PAPOLA: variants seen among roughly 807,000 people sequenced by gnomAD.
PAPOLA encodes poly(A) polymerase alpha.
In PAPOLA, 15 loss-of-function variants were observed where a neutral mutation model predicts 100.6. That is an observed-to-expected ratio of 0.15 (90% CI 0.10 to 0.23). The LOEUF is 0.23. PAPOLA is among the 10% of genes least tolerant of loss of function. The pLI, the probability that PAPOLA is intolerant of heterozygous loss-of-function variation, is 1.00. For synonymous variants in PAPOLA, 293 were observed against 300.0 expected (o/e 0.98, Z 0.24); for missense variants, 533 against 884.2 (o/e 0.60, Z 5.04).
intron 1 of PAPOLA, among the ~76,000 whole-genome samples, chr14:96,512,447 G>A (rs970954154): frequency 6.6e-6 from 1 of 152,148 alleles, no homozygotes; most frequent in Non-Finnish European, 1.5e-5. Context: ...CCTCAGTATA[G>A]AGATGATTAT....
chr14:96,524,244 T>C (rs1017276078), intron 3 of PAPOLA, among the ~76,000 whole-genome samples: 7 of 152,172 alleles, frequency 4.6e-5, no homozygotes, highest in Admixed American at 4.6e-4. Flanking sequence ...TTGTCATTCT[T>C]ACGAGCAGGG....
In PAPOLA at chr14:96,534,229, A is replaced by G; in HGVS notation, c.837-262A>G. ...TCTTGGGATGGTACTTCTTTATTTA[A>G]ATAGTCCTTTAAAGTTCTTTGAGTG... On this transcript the variant is annotated intron_variant, in intron 9 of 21. Coordinates refer to ENST00000216277, the MANE Select transcript of PAPOLA (RefSeq NM_032632.5). 4 of 1,277,060 alleles carry G rather than the reference A, an allele frequency of 3.1e-6. No homozygotes were observed. In the African/African-American group the frequency reaches 4.5e-5, roughly 14 times the overall value. The allele number at this position is 1,277,060 out of a possible 1,614,324, so 79.1% of individuals were successfully genotyped here. A position where few individuals can be genotyped will look rare whatever the true frequency, so the allele number is the denominator to read the frequency against.
chr14:96,528,208 G>A (rs1225209199), intron 6 of PAPOLA, among the ~76,000 whole-genome samples: 1 of 152,120 alleles, frequency 6.6e-6, no homozygotes, highest in African/African-American at 2.4e-5. Flanking sequence ...AGTGAAATTT[G>A]GAGCTAAAAC....
At position 96,523,400 on chromosome 14, in the gene PAPOLA, A is replaced by G. The variant is rs540544121; in HGVS notation, c.250-1910A>G. Among the ~76,000 whole-genome samples, 35 of 152,364 alleles carry G rather than the reference A, an allele frequency of 2.3e-4. No homozygotes were observed. The South Asian group carries it at 7.0e-3, about 31-fold the overall frequency. On this transcript the variant is annotated intron_variant, in intron 3 of 21. Coordinates refer to ENST00000216277, the MANE Select transcript of PAPOLA (RefSeq NM_032632.5). ...CTAGCAACATTTCAGGTGCTCAACA[A>G]AAGTGATAACAGTGACAGAATATTT...
intron 15 of PAPOLA, among the ~76,000 whole-genome samples, chr14:96,544,465 C>T (rs1309275471): frequency 6.6e-6 from 1 of 151,970 alleles, no homozygotes; most frequent in Non-Finnish European, 1.5e-5. Flanking sequence ...AGGATTTTTT[C>T]AGATTTTGGA....
chr14:96,530,678 C>A (rs960699764), intron 6 of PAPOLA, among the ~76,000 whole-genome samples: 2 of 151,986 alleles, frequency 1.3e-5, no homozygotes, highest in Non-Finnish European at 2.9e-5. Context: ...GAGCCACTAC[C>A]CCCAGCCTAT....
At position 96,507,280 on chromosome 14, in the gene PAPOLA, GTTTTT is replaced by G. The variant is rs71103533; in HGVS notation, c.8+4701_8+4705del. ...ACTAAATTTTTTGTTTTGGAAAATA[GTTTTT>G]TTTTTTTTTTTTTTTTTTTTGAGAC... On this transcript the variant is annotated intron_variant, in intron 1 of 21. Transcript: ENST00000216277. Among the ~76,000 whole-genome samples, 644 of 80,792 alleles carry G rather than the reference GTTTTT, an allele frequency of 8.0e-3. 11 individuals are homozygous for G. Among genetic ancestry groups the G allele is most frequent in the African/African-American group, 0.035 (619 of 17,694 alleles). The allele number at this position is 80,792 out of a possible 152,430, so 53.0% of individuals were successfully genotyped here. A position where few individuals can be genotyped will look rare whatever the true frequency, so the allele number is the denominator to read the frequency against.
intron 3 of PAPOLA, among the ~76,000 whole-genome samples, chr14:96,524,019 A>C (rs1322905741): frequency 6.6e-6 from 1 of 152,120 alleles, no homozygotes; most frequent in Non-Finnish European, 1.5e-5. Flanking sequence ...TGCTCTTAAA[A>C]AACAGGAGTC....
chr14:96,508,536 G>A (rs1170476522), intron 1 of PAPOLA, among the ~76,000 whole-genome samples: 6 of 152,182 alleles, frequency 3.9e-5, no homozygotes, highest in Non-Finnish European at 8.8e-5. Flanking sequence ...CCTTCTTAAG[G>A]CAGAAGCCAG....
intron 6 of PAPOLA, among the ~76,000 whole-genome samples, chr14:96,529,450 C>T (rs545153956): frequency 4.4e-4 from 67 of 151,430 alleles, no homozygotes; most frequent in Non-Finnish European, 9.0e-4. Context: ...TAGCCAGGCA[C>T]GGTGGCTCAT....
chr14:96,534,799 C>T, intron 10 of PAPOLA: 1 of 1,272,380 alleles, frequency 7.9e-7, no homozygotes, highest in Non-Finnish European at 1.0e-6. Flanking sequence ...ACAGATTTTA[C>T]TAACATTTTA....
At chr14:96,503,454 C>A (rs1896478300) in intron 1 of PAPOLA, among the ~76,000 whole-genome samples, 2 of 151,016 alleles carry the variant, frequency 1.3e-5, no homozygotes, top group African/African-American at 2.4e-5. Flanking sequence ...AAGTTTTTTT[C>A]TCCCCTCCCC....
At position 96,528,828 on chromosome 14, in the gene PAPOLA, GTGAC is replaced by G. The variant is rs576186863; in HGVS notation, c.495+827_495+830del. Among the ~76,000 whole-genome samples the G allele has an allele frequency of 4.2e-3, 635 of 152,326 alleles. 6 individuals carry two copies. The highest frequency in any genetic ancestry group is 0.015 in the African/African-American group (609 of 41,564). On this transcript the variant is annotated intron_variant, in intron 6 of 21. Coordinates refer to ENST00000216277, the MANE Select transcript of PAPOLA (RefSeq NM_032632.5). The stretch of plus-strand genomic sequence containing the variant: ...AACTCTGTATTTTATGAAAAGTCAA[GTGAC>G]TGACCTTAATAAGTAGACATAAAAT...
rs1411839179 is a variant in PAPOLA, at chr14:96,542,329, A to G, written c.1169+33A>G. On this transcript the variant is annotated intron_variant, in intron 13 of 21. Transcript: ENST00000216277. ...TAAGAATAGACTTTACAGAAAAAGCAAACTTCAAAATGAATCACATAGCCA... is the reference window on the plus strand; with the variant it reads ...TAAGAATAGACTTTACAGAAAAAGCGAACTTCAAAATGAATCACATAGCCA... 3.6e-6 allele frequency: 5 copies of G among 1,383,140 alleles called. No homozygotes were observed. In the African/African-American group the frequency reaches 5.7e-5, roughly 16 times the overall value. 85.7% of individuals were successfully genotyped at this position (1,383,140 alleles called of 1,614,324 possible).
intron 19 of PAPOLA, among the ~76,000 whole-genome samples, chr14:96,556,703 TCTTAA>T (rs779433049): frequency 2.0e-5 from 3 of 152,348 alleles, no homozygotes; most frequent in East Asian, 1.9e-4. Context: ...TTACATGTAT[TCTTAA>T]CTTATTATTC....
chr14:96,535,103 T>TA, intron 10 of PAPOLA: 1 of 980,866 alleles, frequency 1.0e-6, no homozygotes, highest in Non-Finnish European at 1.2e-6. Context: ...CTTGGGAAGT[T>TA]ACAACATTTA....
At chr14:96,505,089 A>C (rs1896617223) in intron 1 of PAPOLA, among the ~76,000 whole-genome samples, 1 of 152,254 alleles carries the variant, frequency 6.6e-6, no homozygotes, top group Non-Finnish European at 1.5e-5. Context: ...CTGATTTAAG[A>C]GTCATGGTGG....
intron 12 of PAPOLA, among the ~76,000 whole-genome samples, chr14:96,539,449 T>G (rs1899798126): frequency 6.6e-6 from 1 of 152,162 alleles, no homozygotes. Flanking sequence ...GAGAATTTGT[T>G]TTGCAAATAG....
intron 16 of PAPOLA, among the ~76,000 whole-genome samples, chr14:96,548,249 AAATT>A (rs1176317365): frequency 2.0e-5 from 3 of 152,172 alleles, no homozygotes; most frequent in Non-Finnish European, 4.4e-5. Flanking sequence ...AAAGTAAACT[AAATT>A]AAATTAGTAA....
Sources: gnomAD v4.1 joint callset for allele counts (sites outside exome capture counted in the v4.1 genomes callset) on GRCh38, gnomAD v4.1.1 for gene constraint, MANE v1.5 for transcripts, NCBI Gene and HGNC (gene_info 2026-07-23, HGNC 2026-07-21) for gene names.